The following MAF variants were observed in gnomAD, a reference collection of about 807,000 sequenced individuals.
MAF encodes MAF bZIP transcription factor, also known as transcription factor Maf.
A neutral mutation model predicts 22.0 loss-of-function variants in MAF; 10 were observed. The ratio of observed to expected loss-of-function variants is 0.45; its 90% CI spans 0.28 to 0.77. MAF has a LOEUF of 0.77. MAF is among the 30% of genes least tolerant of loss of function. The pLI, the probability that MAF is intolerant of heterozygous loss-of-function variation, is 0.12. For synonymous variants in MAF, 337 were observed against 255.8 expected (o/e 1.32, Z -3.03); for missense variants, 544 against 548.4 (o/e 0.99, Z 0.08).
chr16:79,514,756 C>A, the MAF span, among the ~76,000 whole-genome samples: 1 of 152,180 alleles, frequency 6.6e-6, no homozygotes, highest in Non-Finnish European at 1.5e-5. Context: ...ATCAGGGACT[C>A]CATTGTTTTC....
chr16:79,441,971 G>A, the MAF span, among the ~76,000 whole-genome samples: 1 of 152,216 alleles, frequency 6.6e-6, no homozygotes, highest in Non-Finnish European at 1.5e-5. Context: ...GTCATGTGAA[G>A]GCTATAGGCA....
At chr16:79,465,984 T>C in the MAF span, among the ~76,000 whole-genome samples, 1 of 152,260 alleles carries the variant, frequency 6.6e-6, no homozygotes, top group Non-Finnish European at 1.5e-5. Flanking sequence ...TGTATTCATC[T>C]GTAATTCCTT....
chr16:79,427,775 T>C, the MAF span, among the ~76,000 whole-genome samples: 1 of 152,176 alleles, frequency 6.6e-6, no homozygotes, highest in African/African-American at 2.4e-5. Context: ...CTAGTTGTAA[T>C]TGCTCTGCTC....
At chr16:79,506,654 C>T in the MAF span, among the ~76,000 whole-genome samples, 1 of 152,126 alleles carries the variant, frequency 6.6e-6, no homozygotes, top group African/African-American at 2.4e-5. Flanking sequence ...ACAGGAGGGG[C>T]TGGATGGAAC....
the MAF span, among the ~76,000 whole-genome samples, chr16:79,315,983 C>G: frequency 6.6e-6 from 1 of 152,242 alleles, no homozygotes; most frequent in Non-Finnish European, 1.5e-5. Context: ...TTCTGAACCT[C>G]TTGTGCGAGT....
chr16:79,524,922 C>A, the MAF span, among the ~76,000 whole-genome samples: 1 of 152,126 alleles, frequency 6.6e-6, no homozygotes, highest in Non-Finnish European at 1.5e-5. Flanking sequence ...ACAGATACAG[C>A]CACGTGAGGT....
chr16:79,540,123 T>C, the MAF span, among the ~76,000 whole-genome samples: 1 of 151,320 alleles, frequency 6.6e-6, no homozygotes, highest in Non-Finnish European at 1.5e-5. Context: ...CCCCAAGAGG[T>C]CACCACAGGA....
At chr16:79,298,858 AAACT>A in the MAF span, among the ~76,000 whole-genome samples, 2 of 152,216 alleles carry the variant, frequency 1.3e-5, no homozygotes, top group African/African-American at 4.8e-5. Context: ...GAGCAAATGG[AAACT>A]GTACCATCGC....
chr16:79,298,268 C>T, the MAF span, among the ~76,000 whole-genome samples: 46 of 152,328 alleles, frequency 3.0e-4, no homozygotes, highest in African/African-American at 9.9e-4. Context: ...AAGAGCAGCC[C>T]TCCTCAGTTC....
chr16:79,510,432 A>AC, the MAF span, among the ~76,000 whole-genome samples: 193 of 152,062 alleles, frequency 1.3e-3, 1 homozygote, highest in African/African-American at 4.6e-3. Flanking sequence ...GGGGACTATC[A>AC]CCCCACCCTT....
the MAF span, among the ~76,000 whole-genome samples, chr16:79,555,759 G>C: frequency 6.6e-6 from 1 of 152,100 alleles, no homozygotes; most frequent in African/African-American, 2.4e-5. Context: ...CTAAATCCAA[G>C]ACACTTCTGA....
the MAF span, among the ~76,000 whole-genome samples, chr16:79,262,105 C>A: frequency 6.6e-6 from 1 of 152,116 alleles, no homozygotes; most frequent in Non-Finnish European, 1.5e-5. Context: ...TTTGGAGAGT[C>A]CCTTCCGTGT....
the MAF span, among the ~76,000 whole-genome samples, chr16:79,526,667 A>C: frequency 1.3e-5 from 2 of 152,166 alleles, no homozygotes; most frequent in East Asian, 3.9e-4. Context: ...CAAAACAACA[A>C]CAACAAAAAA....
chr16:79,334,226 C>T, the MAF span, among the ~76,000 whole-genome samples: 1 of 152,194 alleles, frequency 6.6e-6, no homozygotes, highest in African/African-American at 2.4e-5. Flanking sequence ...TAGGAAAACA[C>T]ATTGGGCTGC....
At chr16:79,270,209 G>A in the MAF span, among the ~76,000 whole-genome samples, 8 of 152,164 alleles carry the variant, frequency 5.3e-5, no homozygotes, top group South Asian at 1.7e-3. Flanking sequence ...AGCTCCCACA[G>A]AAGGTACCCC....
chr16:79,376,922 A>G, the MAF span, among the ~76,000 whole-genome samples: 1 of 152,276 alleles, frequency 6.6e-6, no homozygotes, highest in Non-Finnish European at 1.5e-5. Context: ...CCAGTCTATC[A>G]TTGTTGGACA....
At chr16:79,590,770 C>T (rs1913146333), downstream of MAF, among the ~76,000 whole-genome samples, 1 of 151,948 alleles carries the variant, frequency 6.6e-6, no homozygotes, top group African/African-American at 2.4e-5. Flanking sequence ...CCAAGGTTGG[C>T]CTGTGTTAAA....
the MAF span, among the ~76,000 whole-genome samples, chr16:79,467,934 G>C: frequency 6.6e-6 from 1 of 151,350 alleles, no homozygotes; most frequent in Non-Finnish European, 1.5e-5. Flanking sequence ...TGGGGGTGGT[G>C]GTCGTGGGGG....
chr16:79,559,602 T>C, the MAF span, among the ~76,000 whole-genome samples: 1 of 152,072 alleles, frequency 6.6e-6, no homozygotes, highest in Non-Finnish European at 1.5e-5. Flanking sequence ...AAACTGACTA[T>C]AATTTACTTC....
Sources: allele counts gnomAD v4.1 joint callset (sites outside exome capture counted in the v4.1 genomes callset), GRCh38; gene constraint gnomAD v4.1.1; transcripts MANE v1.5; gene names NCBI Gene and HGNC (gene_info 2026-07-23, HGNC 2026-07-21).